GPC6: variants seen among roughly 807,000 people sequenced by gnomAD.
GPC6 encodes the protein glypican-6.
A neutral mutation model predicts 55.2 loss-of-function variants in GPC6; 14 were observed. The ratio of observed to expected loss-of-function variants is 0.25; its 90% CI spans 0.17 to 0.40. The LOEUF (loss-of-function observed/expected upper bound fraction) is 0.40, where lower values mean the gene tolerates loss of function less well. GPC6 is among the 10% of genes least tolerant of loss of function. GPC6 has a pLI of 1.00. For synonymous variants in GPC6, 278 were observed against 259.6 expected (o/e 1.07, Z -0.68); for missense variants, 641 against 708.5 (o/e 0.90, Z 1.08).
At chr13:93,656,937 T>G (rs970116768) in intron 2 of GPC6, among the ~76,000 whole-genome samples, 1 of 151,896 alleles carries the variant, frequency 6.6e-6, no homozygotes, top group Non-Finnish European at 1.5e-5. Context: ...ACAAAACTTT[T>G]GCTGAAAAAA....
At chr13:93,597,527 G>A (rs762373473) in intron 2 of GPC6, among the ~76,000 whole-genome samples, 7 of 152,114 alleles carry the variant, frequency 4.6e-5, no homozygotes, top group East Asian at 3.9e-4. Flanking sequence ...TGACCCTTGA[G>A]CAACATATGT....
intron 3 of GPC6, among the ~76,000 whole-genome samples, chr13:93,929,942 C>T (rs535047919): frequency 3.3e-5 from 5 of 151,990 alleles, no homozygotes; most frequent in South Asian, 2.1e-4. Flanking sequence ...TATAGTTTGG[C>T]GAGTATGGCA....
chr13:94,067,578 T>TATAG (rs5805846), intron 4 of GPC6, among the ~76,000 whole-genome samples: 18,696 of 147,574 alleles, frequency 0.13, 1,226 homozygotes, highest in East Asian at 0.2. Context: ...ATAGATAGAT[T>TATAG]ATAGATAGAT....
At chr13:93,248,441 T>TG (rs920748971) in intron 1 of GPC6, among the ~76,000 whole-genome samples, 31 of 152,068 alleles carry the variant, frequency 2.0e-4, no homozygotes, top group African/African-American at 5.8e-4. Flanking sequence ...AAAAGTGTTT[T>TG]TTTTTTTTTT....
At chr13:93,284,805 A>C (rs2139071811) in intron 1 of GPC6, among the ~76,000 whole-genome samples, 1 of 152,340 alleles carries the variant, frequency 6.6e-6, no homozygotes, top group Middle Eastern at 3.4e-3. Context: ...TAAGTACAAT[A>C]ATAATGAACA....
intron 1 of GPC6, among the ~76,000 whole-genome samples, chr13:93,386,098 TAAAA>T (rs34852109): frequency 0.029 from 3,700 of 127,746 alleles, 66 homozygotes; most frequent in South Asian, 0.056. Context: ...ACCACTTTGT[TAAAA>T]AAAAAAAAAA....
intron 6 of GPC6, among the ~76,000 whole-genome samples, chr13:94,372,140 T>G (rs978920706): frequency 1.3e-5 from 2 of 152,118 alleles, no homozygotes; most frequent in African/African-American, 4.8e-5. Flanking sequence ...TGCTTTCTTC[T>G]TTCACTTGCC....
Position 93,899,175 on chromosome 13 carries a change from C to T in GPC6, c.711+68630C>T, listed in dbSNP as rs1388522728. 3.3e-5 allele frequency among the ~76,000 whole-genome samples: 5 copies of T among 151,710 alleles called. No homozygotes were observed. The Admixed American group carries it at 3.3e-4, about 10-fold the overall frequency. On this transcript the variant is annotated intron_variant, in intron 3 of 8. Transcript: ENST00000377047. ...TTTAATCATTCTTTCTTTCATTCAA[C>T]ACATAATCTTGACCATTAAATATTC...
intron 6 of GPC6, among the ~76,000 whole-genome samples, chr13:94,353,138 G>A (rs1368782827): frequency 1.3e-5 from 2 of 152,136 alleles, no homozygotes; most frequent in African/African-American, 4.8e-5. Flanking sequence ...ACAAGGAAGG[G>A]AGGGAGACAT....
intron 4 of GPC6, among the ~76,000 whole-genome samples, chr13:94,138,067 T>C (rs1014297634): frequency 6.6e-6 from 1 of 152,208 alleles, no homozygotes; most frequent in Non-Finnish European, 1.5e-5. Flanking sequence ...TATCTACATG[T>C]ACAGGTTGAG....
intron 2 of GPC6, among the ~76,000 whole-genome samples, chr13:93,781,000 G>C (rs746037542): frequency 1.3e-5 from 2 of 152,022 alleles, no homozygotes; most frequent in African/African-American, 4.8e-5. Context: ...ATAATTGGCC[G>C]GGTGCGGTGG....
intron 2 of GPC6, among the ~76,000 whole-genome samples, chr13:93,602,536 T>G (rs1028259287): frequency 6.6e-6 from 1 of 152,160 alleles, no homozygotes; most frequent in South Asian, 2.1e-4. Context: ...TGACATCTTA[T>G]GTAAGGGAAA....
chr13:94,339,751 C>CT (rs56074677), intron 6 of GPC6, among the ~76,000 whole-genome samples: 2,663 of 63,824 alleles, frequency 0.042, 461 homozygotes, highest in East Asian at 0.053. Flanking sequence ...GCATACTTTC[C>CT]TTTTTTTTTT....
chr13:94,350,075 T>TGTGTGTG (rs1878467183), intron 6 of GPC6, among the ~76,000 whole-genome samples: 2 of 150,050 alleles, frequency 1.3e-5, no homozygotes, highest in African/African-American at 4.9e-5. Context: ...TATATATCTT[T>TGTGTGTG]TGTGTGTGTG....
intron 1 of GPC6, among the ~76,000 whole-genome samples, chr13:93,465,823 A>C (rs1455981939): frequency 6.6e-6 from 1 of 152,150 alleles, no homozygotes; most frequent in Non-Finnish European, 1.5e-5. Flanking sequence ...TTAATCGCTA[A>C]GCTTAATAAC....
chr13:93,741,801 T>C (rs1301323017), intron 2 of GPC6, among the ~76,000 whole-genome samples: 1 of 152,196 alleles, frequency 6.6e-6, no homozygotes, highest in Non-Finnish European at 1.5e-5. Context: ...TGTTGAACTT[T>C]CCATTAGTCT....
At chr13:94,165,220 A>G (rs1888318668) in intron 4 of GPC6, among the ~76,000 whole-genome samples, 1 of 148,638 alleles carries the variant, frequency 6.7e-6, no homozygotes, top group Non-Finnish European at 1.5e-5. Context: ...TATATATATA[A>G]TGGAATACTA....
At chr13:93,822,929 C>A (rs528879205) in intron 2 of GPC6, among the ~76,000 whole-genome samples, 3 of 151,260 alleles carry the variant, frequency 2.0e-5, no homozygotes, top group African/African-American at 4.8e-5. Context: ...AGTGGCACGA[C>A]CTTGGCTGCC....
At position 93,975,589 on chromosome 13, in the gene GPC6, G is replaced by A. The variant is rs113998403; in HGVS notation, c.712-52140G>A. 3.7e-3 allele frequency among the ~76,000 whole-genome samples: 556 copies of A among 152,220 alleles called. 5 individuals carry two copies. Among genetic ancestry groups the A allele is most frequent in the African/African-American group, 0.013 (540 of 41,554 alleles). On this transcript the variant is annotated intron_variant, in intron 3 of 8. Coordinates refer to ENST00000377047, the MANE Select transcript of GPC6 (RefSeq NM_005708.5). ...TTAGACATATTTTTCAAATAAATGA[G>A]TTTTTTATTGAAAAATGCAGCAACT... is the stretch of plus-strand genomic sequence containing the variant.
Sources: allele counts gnomAD v4.1 joint callset (sites outside exome capture counted in the v4.1 genomes callset), GRCh38; gene constraint gnomAD v4.1.1; transcripts MANE v1.5; gene names NCBI Gene and HGNC (gene_info 2026-07-23, HGNC 2026-07-21).